The following DENND5B variants were observed in gnomAD, a reference collection of about 807,000 sequenced individuals.
The protein encoded by DENND5B is DENN domain containing 5B, also known as DENN domain-containing protein 5B.
DENND5B carries 34 observed loss-of-function variants against 140.6 expected under a neutral mutation model. That is an observed-to-expected ratio of 0.24 (90% CI 0.18 to 0.32). The LOEUF (loss-of-function observed/expected upper bound fraction) is 0.32, where lower values mean the gene tolerates loss of function less well. DENND5B is among the 10% of genes least tolerant of loss of function. The pLI is 1.00. For missense variants in DENND5B, 1,142 were observed against 1,560.2 expected (o/e 0.73, Z 4.52); for synonymous variants, 551 against 562.1 (o/e 0.98, Z 0.28).
chr12:31,444,390 C>A (rs1307056253), intron 6 of DENND5B, among the ~76,000 whole-genome samples: 1 of 152,054 alleles, frequency 6.6e-6, no homozygotes, highest in African/African-American at 2.4e-5. Flanking sequence ...ATTACAGGCA[C>A]CCGCCACCAT....
chr12:31,550,350 C>T (rs4578485), intron 1 of DENND5B, among the ~76,000 whole-genome samples: 123,136 of 150,928 alleles, frequency 0.82, 50,551 homozygotes, highest in African/African-American at 0.9. Flanking sequence ...TTGCTGAGAA[C>T]GATGGTTTCC....
At chr12:31,412,580 C>T (rs923714663) in intron 13 of DENND5B, among the ~76,000 whole-genome samples, 18 of 152,144 alleles carry the variant, frequency 1.2e-4, no homozygotes, top group Admixed American at 5.2e-4. Context: ...GGAGCTTAGG[C>T]GGTAATGCTT....
chr12:31,486,574 C>T (rs1328180371), intron 2 of DENND5B, among the ~76,000 whole-genome samples: 1 of 152,238 alleles, frequency 6.6e-6, no homozygotes, highest in Non-Finnish European at 1.5e-5. Context: ...CACACTACAA[C>T]AGCAGAGCTG....
intron 18 of DENND5B, 55 bp from the exon 19 acceptor site, chr12:31,392,448 A>C (rs966511277): frequency 1.3e-6 from 2 of 1,597,320 alleles, no homozygotes; most frequent in Admixed American, 3.5e-5. Context: ...TATGTCTAAA[A>C]AAAACACTAG....
rs917539833 is a variant in DENND5B at position 31,385,164 on chromosome 12, T to C, written c.*2439A>G. On this transcript the variant is annotated 3_prime_UTR_variant, in exon 21 of 21. Coordinates refer to ENST00000389082, the MANE Select transcript of DENND5B (RefSeq NM_144973.4). ...AATATTAATTCTTCTAAATGAATAT[T>C]CATCCTTATTTCCTACTTGTATAGG... 6.6e-6 allele frequency: 1 copy of C among 152,206 alleles called. No homozygotes were observed. Among genetic ancestry groups the C allele is most frequent in the African/African-American group, 2.4e-5 (1 of 41,448 alleles). The allele number at this position is 152,206 out of a possible 1,614,324, so 9.4% of individuals were successfully genotyped here.
At chr12:31,566,809 A>G (rs146819591) in intron 1 of DENND5B, among the ~76,000 whole-genome samples, 3 of 152,320 alleles carry the variant, frequency 2.0e-5, no homozygotes, top group Admixed American at 6.5e-5. Flanking sequence ...CAGGCAGTTC[A>G]ACATCAGATT....
At chr12:31,485,242 T>C (rs1946254388) in intron 2 of DENND5B, among the ~76,000 whole-genome samples, 1 of 152,206 alleles carries the variant, frequency 6.6e-6, no homozygotes, top group Non-Finnish European at 1.5e-5. Context: ...GTTTAACGAA[T>C]TGGGCTATGC....
intron 1 of DENND5B, among the ~76,000 whole-genome samples, chr12:31,586,013 T>C (rs1453258740): frequency 6.6e-6 from 1 of 152,210 alleles, no homozygotes; most frequent in East Asian, 1.9e-4. Context: ...TATAAGGTAC[T>C]ACGAAAGAGG....
At chr12:31,509,821 G>A (rs879628773) in intron 1 of DENND5B, among the ~76,000 whole-genome samples, 1 of 152,188 alleles carries the variant, frequency 6.6e-6, no homozygotes, top group Non-Finnish European at 1.5e-5. Context: ...GGATGATCAA[G>A]TTGGCCCTCA....
Position 31,519,098 on chromosome 12 carries a change from T to C in DENND5B, c.128-23179A>G, listed in dbSNP as rs952815551. ...CTTCTTTTCTGTGCTTTGGCACTTA[T>C]CCTGTGGAAATGACTTCGAAAGGAG... On this transcript the variant is annotated intron_variant, in intron 1 of 20. Transcript: ENST00000389082. Among the ~76,000 whole-genome samples the C allele has an allele frequency of 3.3e-5, 5 of 152,362 alleles. No individual in the cohort carries two copies. In the South Asian group the frequency reaches 6.2e-4, roughly 19 times the overall value.
intron 8 of DENND5B, among the ~76,000 whole-genome samples, chr12:31,430,879 T>C (rs1943480046): frequency 1.3e-5 from 2 of 152,082 alleles, no homozygotes; most frequent in African/African-American, 4.8e-5. Context: ...CAACATTCCA[T>C]GGACATGCAC....
Position 31,413,498 on chromosome 12 carries a change from A to G in DENND5B, c.2619T>C (p.Ser873=). ...VGRARAWIRL[S]LEKKLLSQHL... is the part of the protein sequence containing the mutation. ...GCTGGGACAAGAGCTTCTTTTCTAG[A>G]GACAGTCTTATCCACGCCCGAGCTC... Residue 873 remains serine (S), a synonymous_variant, in exon 13 of 21, where the codon TCT becomes TCC. Transcript: ENST00000389082. 1.9e-6 allele frequency: 3 copies of G among 1,613,912 alleles called. No individual in the cohort carries two copies. The highest frequency in any genetic ancestry group is 2.5e-6 in the Non-Finnish European group (3 of 1,179,828).
intron 1 of DENND5B, among the ~76,000 whole-genome samples, chr12:31,525,025 A>G (rs1033937112): frequency 6.6e-6 from 1 of 152,206 alleles, no homozygotes; most frequent in African/African-American, 2.4e-5. Flanking sequence ...CGAAACCACA[A>G]TGAGATACCA....
chr12:31,451,897 A>C, intron 5 of DENND5B, 43 bp downstream of exon 5: 1 of 1,596,448 alleles, frequency 6.3e-7, no homozygotes, highest in Non-Finnish European at 8.5e-7. Context: ...ATCAATAATA[A>C]AGCCACTAAT....
At chr12:31,457,579 C>T (rs1944830119) in intron 4 of DENND5B, among the ~76,000 whole-genome samples, 1 of 152,136 alleles carries the variant, frequency 6.6e-6, no homozygotes, top group South Asian at 2.1e-4. Context: ...ATATCTACTT[C>T]CTCTCCAAAA....
intron 3 of DENND5B, among the ~76,000 whole-genome samples, chr12:31,462,673 G>T (rs1023453547): frequency 6.6e-6 from 1 of 152,038 alleles, no homozygotes; most frequent in African/African-American, 2.4e-5. Flanking sequence ...TACAAAAAAA[G>T]GCCGGGCAGG....
intron 2 of DENND5B, among the ~76,000 whole-genome samples, chr12:31,483,761 G>A (rs1202009027): frequency 4.6e-5 from 7 of 151,456 alleles, no homozygotes; most frequent in African/African-American, 9.7e-5. Flanking sequence ...GGCATTTCTC[G>A]CTTTATGTTT....
chr12:31,552,616 T>A (rs766240236), intron 1 of DENND5B, among the ~76,000 whole-genome samples: 2 of 152,240 alleles, frequency 1.3e-5, no homozygotes, highest in African/African-American at 4.8e-5. Flanking sequence ...TTCTACTGAT[T>A]GGAATAGTTT....
At chr12:31,425,970 G>C (rs951505305) in intron 9 of DENND5B, among the ~76,000 whole-genome samples, 1 of 150,510 alleles carries the variant, frequency 6.6e-6, no homozygotes. Context: ...AGACACAAAA[G>C]TGTTGCCTTT....
Sources: allele counts gnomAD v4.1 joint callset (sites outside exome capture counted in the v4.1 genomes callset), GRCh38; gene constraint gnomAD v4.1.1; transcripts MANE v1.5; gene names NCBI Gene and HGNC (gene_info 2026-07-23, HGNC 2026-07-21).